Variants in LPCAT1 observed in about 807,000 individuals in gnomAD.
The protein encoded by LPCAT1 is 1-acylglycerol-3-phosphate O-acyltransferase.
In LPCAT1, 23 loss-of-function variants were observed where a neutral mutation model predicts 60.9. The observed-to-expected ratio is 0.38, with a 90% CI of 0.27 to 0.53. LPCAT1 has a LOEUF of 0.53. Among genes scored for constraint, LPCAT1 ranks in the 20% least tolerant of loss-of-function variants. The pLI is 0.82. For missense variants in LPCAT1, 622 were observed against 723.6 expected (o/e 0.86, Z 1.61); for synonymous variants, 340 against 301.1 (o/e 1.13, Z -1.34).
Position 1,483,468 on chromosome 5 carries a change from G to A in LPCAT1, c.686C>T (p.Ala229Val), listed in dbSNP as rs759350411. 2.2e-5 allele frequency: 36 copies of A among 1,613,550 alleles called. No homozygotes were observed. The South Asian group carries it at 2.4e-4, about 11-fold the overall frequency. ...TFKPGAFIPG[A>V]PVQPVVLRYP... ...TCGTAAAACCACAGGCTGGACGGGC[G>A]CTCCAGGGATGAATGCACCTGCCGA... Residue 229 changes from alanine to valine, a missense_variant, in exon 6 of 14, where the codon GCG (alanine) becomes GTG (valine). Physicochemically the swap from Ala to Val is moderately conservative, Grantham distance 64. Around this residue, in one of 3 missense-constraint regions of LPCAT1, gnomAD observed 209 missense variants for 325.5 expected, o/e 0.64. Coordinates refer to ENST00000283415, the MANE Select transcript of LPCAT1 (RefSeq NM_024830.5). The surrounding 1 kb of genome is among the most constrained non-coding windows in gnomAD (Gnocchi z 9.2).
intron 1 of LPCAT1, among the ~76,000 whole-genome samples, chr5:1,508,177 C>T (rs778414755): frequency 6.6e-5 from 10 of 152,296 alleles, no homozygotes; most frequent in South Asian, 2.1e-4. Flanking sequence ...ACAGCAGCCG[C>T]GCCAAGCAGG....
At chr5:1,507,821 T>C (rs573560436) in intron 1 of LPCAT1, among the ~76,000 whole-genome samples, 2 of 152,206 alleles carry the variant, frequency 1.3e-5, no homozygotes, top group African/African-American at 4.8e-5. Context: ...CCTCTCTGGG[T>C]CTAGATGCAA....
Position 1,481,008 on chromosome 5 carries a change from G to A in LPCAT1, c.727-32C>T, listed in dbSNP as rs1735117294. 1 of 1,612,764 alleles carries A rather than the reference G, an allele frequency of 6.2e-7. No homozygotes were observed. The highest frequency in any genetic ancestry group is 1.1e-5 in the South Asian group (1 of 91,076). On this transcript the variant is annotated intron_variant, in intron 6 of 13. Transcript: ENST00000283415. The surrounding 1 kb of genome is among the most constrained non-coding windows in gnomAD (Gnocchi z 7.8). ...AGGAAGAGGCAGGGTCAGTCAGCAT[G>A]GGGCCTGCACCCAGGGCCTGCACCA...
intron 1 of LPCAT1, among the ~76,000 whole-genome samples, chr5:1,514,069 A>G (rs1214871318): frequency 6.6e-6 from 1 of 152,232 alleles, no homozygotes; most frequent in African/African-American, 2.4e-5. Flanking sequence ...GGAGCCGTGG[A>G]GAAGCTCCAA....
Position 1,483,632 on chromosome 5 carries a change from T to C in LPCAT1, c.668-146A>G, listed in dbSNP as rs1735250295. ...AAGGGCACTCCATGCCTGGACTATC[T>C]CAACATCTGTCCTGACCGTAAACAC... On this transcript the variant is annotated intron_variant, in intron 5 of 13. Transcript: ENST00000283415. This position sits in a 1 kb window ranked among gnomAD's most constrained non-coding sequence, Gnocchi z 9.2. 1.4e-6 allele frequency: 1 copy of C among 737,668 alleles called. No homozygotes were observed. Among genetic ancestry groups the C allele is most frequent in the South Asian group, 1.7e-5 (1 of 58,754 alleles). The allele number at this position is 737,668 out of a possible 1,614,324, so 45.7% of individuals were successfully genotyped here.
intron 1 of LPCAT1, among the ~76,000 whole-genome samples, chr5:1,504,736 G>T (rs543798496): frequency 2.1e-5 from 3 of 142,206 alleles, no homozygotes; most frequent in South Asian, 2.2e-4. Context: ...AAAAAAAGCC[G>T]ACAATAAGTT....
intron 13 of LPCAT1, among the ~76,000 whole-genome samples, chr5:1,464,213 AGG>A (rs1279879526): frequency 6.6e-6 from 1 of 152,214 alleles, no homozygotes; most frequent in African/African-American, 2.4e-5. Context: ...TGGCGCTCTG[AGG>A]GGGTGCCCTC....
Position 1,474,119 on chromosome 5 carries a change from A to G in LPCAT1, c.1026-9T>C, listed in dbSNP as rs1437952773. 6.2e-7 allele frequency: 1 copy of G among 1,606,924 alleles called. No individual in the cohort carries two copies. On this transcript the variant is annotated splice_polypyrimidine_tract_variant and intron_variant, in intron 10 of 13. Coordinates refer to ENST00000283415, the MANE Select transcript of LPCAT1 (RefSeq NM_024830.5). ...GCTTTTCTGGTTTTAGCCTAGACAA[A>G]AAAAGAGGGAAAGCTTTCTTTTTCA...
intron 12 of LPCAT1, among the ~76,000 whole-genome samples, chr5:1,469,240 G>T (rs984819426): frequency 6.6e-6 from 1 of 152,110 alleles, no homozygotes; most frequent in African/African-American, 2.4e-5. Context: ...GTTCACCTGA[G>T]AAAGACCTCC....
In LPCAT1 at chr5:1,482,375, TG is replaced by T. The variant is rs572208420; in HGVS notation, c.726+1052del. On this transcript the variant is annotated intron_variant, in intron 6 of 13. Transcript: ENST00000283415. ...GAAGGTGCAGCAGCCACCTTACAGG[TG>T]TGGAAACTGAGGCAGGACATGGGCA... Among the ~76,000 whole-genome samples the T allele has an allele frequency of 3.9e-3, 457 of 117,174 alleles. 4 individuals are homozygous for T. The highest frequency in any genetic ancestry group is 0.011 in the Middle Eastern group (3 of 264). The allele number at this position is 117,174 out of a possible 152,430, so 76.9% of individuals were successfully genotyped here.
chr5:1,523,942 G>C lies in LPCAT1; in HGVS notation c.-98C>G, dbSNP rs1459196285. The stretch of plus-strand genomic sequence containing the variant: ...GGGTCTCGGGGCGCGGGCCGAGGAT[G>C]CGCGGCGGCTGGAGCGGGCCGGGCG... On this transcript the variant is annotated 5_prime_UTR_variant, in exon 1 of 14. Coordinates refer to ENST00000283415, the MANE Select transcript of LPCAT1 (RefSeq NM_024830.5). This position sits in a 1 kb window ranked among gnomAD's most constrained non-coding sequence, Gnocchi z 7.1. The C allele has an allele frequency of 1.2e-6, 1 of 867,850 alleles. No individual in the cohort carries two copies. Among genetic ancestry groups the C allele is most frequent in the Non-Finnish European group, 1.4e-6 (1 of 721,486 alleles). The allele number at this position is 867,850 out of a possible 1,614,324, so 53.8% of individuals were successfully genotyped here.
In LPCAT1 at chr5:1,465,958, T is replaced by G. The variant is rs1172660498; in HGVS notation, c.1420+791A>C. Reference sequence around the variant, plus strand: ...TACATGCTTTCAATACTGAAACCAGTGCGCACATCCGCACTCCCGCCTCCG... The same window carrying G: ...TACATGCTTTCAATACTGAAACCAGGGCGCACATCCGCACTCCCGCCTCCG... On this transcript the variant is annotated intron_variant, in intron 13 of 13. Coordinates refer to ENST00000283415, the MANE Select transcript of LPCAT1 (RefSeq NM_024830.5). 3.9e-5 allele frequency among the ~76,000 whole-genome samples: 6 copies of G among 152,342 alleles called. No individual in the cohort carries two copies. The East Asian group carries it at 1.2e-3, about 29-fold the overall frequency.
At chr5:1,493,122 G>A (rs1299979433) in intron 3 of LPCAT1, among the ~76,000 whole-genome samples, 4 of 152,340 alleles carry the variant, frequency 2.6e-5, no homozygotes, top group Non-Finnish European at 4.4e-5. Flanking sequence ...GTCCAGTCTC[G>A]CCTCCAGTGC....
intron 8 of LPCAT1, among the ~76,000 whole-genome samples, chr5:1,478,361 C>A (rs1293488476): frequency 6.6e-6 from 1 of 152,266 alleles, no homozygotes; most frequent in Non-Finnish European, 1.5e-5. Flanking sequence ...TGCCATGGTT[C>A]CTTGCATCAA....
Position 1,502,924 on chromosome 5 carries a change from T to C in LPCAT1, c.136-1321A>G, listed in dbSNP as rs923245706. On this transcript the variant is annotated intron_variant, in intron 1 of 13. Transcript: ENST00000283415. The surrounding 1 kb of genome is among the most constrained non-coding windows in gnomAD (Gnocchi z 5.5). ...GCCACATTTAAAGGGAATGACAATT[T>C]AATATACAGCTCATTTCGCCCGGTA... is the stretch of plus-strand genomic sequence containing the variant. 6.6e-6 allele frequency among the ~76,000 whole-genome samples: 1 copy of C among 152,218 alleles called. No homozygotes were observed. Among genetic ancestry groups the C allele is most frequent in the African/African-American group, 2.4e-5 (1 of 41,436 alleles).
At chr5:1,482,315 C>T (rs1268502393) in intron 6 of LPCAT1, among the ~76,000 whole-genome samples, 1 of 149,400 alleles carries the variant, frequency 6.7e-6, no homozygotes, top group South Asian at 2.2e-4. Context: ...GCCGATGGAA[C>T]CGGAAGTATT....
At chr5:1,520,499 G>A (rs966468019) in intron 1 of LPCAT1, among the ~76,000 whole-genome samples, 16 of 152,314 alleles carry the variant, frequency 1.1e-4, no homozygotes, top group Admixed American at 8.5e-4. Flanking sequence ...AGGTGCACAG[G>A]AAGGCATTAT....
intron 1 of LPCAT1, among the ~76,000 whole-genome samples, chr5:1,504,137 T>C (rs1200586299): frequency 2.0e-5 from 3 of 152,244 alleles, no homozygotes; most frequent in Non-Finnish European, 2.9e-5. Context: ...TTTTCAGAAA[T>C]ACCTTATTTC....
intron 9 of LPCAT1, among the ~76,000 whole-genome samples, chr5:1,475,048 C>T (rs1356511201): frequency 1.3e-5 from 2 of 152,234 alleles, no homozygotes; most frequent in Non-Finnish European, 2.9e-5. Flanking sequence ...GCTCACAGTG[C>T]TGGAAAACGG....
Sources: allele counts gnomAD v4.1 joint callset (sites outside exome capture counted in the v4.1 genomes callset), GRCh38; gene constraint gnomAD v4.1.1; regional missense constraint gnomAD v4.1.1; non-coding constraint Gnocchi (gnomAD v3.1); transcripts MANE v1.5; gene names NCBI Gene and HGNC (gene_info 2026-07-23, HGNC 2026-07-21).